YEATS2: variants seen among roughly 807,000 people sequenced by gnomAD.
The protein encoded by YEATS2 is YEATS domain containing 2.
In YEATS2, 77 loss-of-function variants were observed where a neutral mutation model predicts 163.2. The ratio of observed to expected loss-of-function variants is 0.47; its 90% CI spans 0.39 to 0.57. The LOEUF (loss-of-function observed/expected upper bound fraction) is 0.57. YEATS2 is among the 20% of genes least tolerant of loss of function. The pLI, the probability that YEATS2 is intolerant of heterozygous loss-of-function variation, is 0.00. For missense variants in YEATS2, 1,549 were observed against 1,729.8 expected, an observed-to-expected ratio of 0.90 and a Z score of 1.85; for synonymous variants, 631 against 645.1, an observed-to-expected ratio of 0.98 and a Z score of 0.33.
In YEATS2 at chr3:183,812,169, G is replaced by A. The variant is rs944959775; in HGVS notation, c.*1586G>A. ...AAGAATCACTTGAACCCAGGAGGCG[G>A]AGGTTGCAGTGTGCCAAGATCATAC... On this transcript the variant is annotated 3_prime_UTR_variant, in exon 31 of 31. Coordinates refer to ENST00000305135, the MANE Select transcript of YEATS2 (RefSeq NM_018023.5). The A allele has an allele frequency of 6.6e-6, 1 of 152,296 alleles. No homozygotes were observed. The highest frequency in any genetic ancestry group is 2.4e-5 in the African/African-American group (1 of 41,432). The allele number at this position is 152,296 out of a possible 1,614,324, so 9.4% of individuals were successfully genotyped here.
At chr3:183,731,167 C>T (rs1717735317) in intron 7 of YEATS2, among the ~76,000 whole-genome samples, 1 of 151,930 alleles carries the variant, frequency 6.6e-6, no homozygotes. Flanking sequence ...GGTGTGGTGG[C>T]TCGTGCCTGT....
Position 183,753,216 on chromosome 3 carries a change from A to G in YEATS2, c.1151-910A>G, listed in dbSNP as rs80056694. Among the ~76,000 whole-genome samples, 1,862 of 152,298 alleles carry G rather than the reference A, an allele frequency of 0.012. 67 individuals are homozygous for G. The East Asian group carries it at 0.14, about 12-fold the overall frequency. On this transcript the variant is annotated intron_variant, in intron 10 of 30. Coordinates refer to ENST00000305135, the MANE Select transcript of YEATS2 (RefSeq NM_018023.5). ...TATTAAATACCTGGTTTTACTTAAG[A>G]AAAGATTCATCACCAACAATGTATT...
At chr3:183,729,936 C>G (rs1178657728) in intron 7 of YEATS2, among the ~76,000 whole-genome samples, 2 of 151,488 alleles carry the variant, frequency 1.3e-5, no homozygotes, top group African/African-American at 2.4e-5. Context: ...GTGATCTGCC[C>G]GCCTTGGCCA....
In YEATS2 at chr3:183,776,126, C is replaced by T. The variant is rs1266106669; in HGVS notation, c.2577+3C>T. Reference sequence around the variant, plus strand: ...ACATCCTCAAGCAAACTCCCCAGGTCTGGTTCTCTGTAACTGATATTTTAA... The same window carrying T: ...ACATCCTCAAGCAAACTCCCCAGGTTTGGTTCTCTGTAACTGATATTTTAA... On this transcript the variant is annotated splice_donor_region_variant and intron_variant, in intron 18 of 30. Transcript: ENST00000305135. The T allele has an allele frequency of 1.3e-6, 2 of 1,551,810 alleles. No homozygotes were observed. The highest frequency in any genetic ancestry group is 1.7e-6 in the Non-Finnish European group (2 of 1,151,934).
chr3:183,730,128 G>A lies in YEATS2; in HGVS notation c.812+1277G>A, dbSNP rs1416259810. ...CGTCCATGCTGGAGTGCAGTGGCAC[G>A]ATCTTGGCTCACTGCAACCTCCACC... On this transcript the variant is annotated intron_variant, in intron 7 of 30. Transcript: ENST00000305135. 2.7e-5 allele frequency among the ~76,000 whole-genome samples: 3 copies of A among 110,422 alleles called. No homozygotes were observed. The Admixed American group carries it at 4.2e-4, about 16-fold the overall frequency. The allele number at this position is 110,422 out of a possible 152,430, so 72.4% of individuals were successfully genotyped here. A position where few individuals can be genotyped will look rare whatever the true frequency, so the allele number is the denominator to read the frequency against.
rs1726699746 is a variant in YEATS2, at chr3:183,810,500, A to G, written c.4186A>G (p.Asn1396Asp). The G allele has an allele frequency of 6.2e-7, 1 of 1,614,166 alleles. No homozygotes were observed. Among genetic ancestry groups the G allele is most frequent in the Non-Finnish European group, 8.5e-7 (1 of 1,180,008 alleles). The stretch of plus-strand genomic sequence containing the variant: ...GATTCCCAAAGAAATTACAGTGAGT[A>G]ATATTCACCAGGCCATTTGCAACAT... ...NRIPKEITVS[N>D]IHQAICNIPF... Residue 1396 changes from asparagine to aspartate, a missense_variant, in exon 31 of 31, where the codon AAT becomes GAT. Coordinates refer to ENST00000305135, the MANE Select transcript of YEATS2 (RefSeq NM_018023.5).
rs201710607 is a variant in YEATS2 at position 183,798,096 on chromosome 3, C to T, written c.3226+45C>T. The T allele has an allele frequency of 1.7e-5, 27 of 1,606,452 alleles. No individual in the cohort carries two copies. In the African/African-American group the frequency reaches 3.1e-4, roughly 19 times the overall value. On this transcript the variant is annotated intron_variant, in intron 22 of 30. Coordinates refer to ENST00000305135, the MANE Select transcript of YEATS2 (RefSeq NM_018023.5). Reference sequence around the variant, plus strand: ...GTCGTCTGTGCTGTGGCTGCCTCCACATCTCCCCGCATTTACCAGGTGGTG... The same window carrying T: ...GTCGTCTGTGCTGTGGCTGCCTCCATATCTCCCCGCATTTACCAGGTGGTG...
chr3:183,806,941 A>G lies in YEATS2; in HGVS notation c.3860A>G (p.Glu1287Gly), dbSNP rs1304032139. The part of the protein sequence containing the change: ...LEDLQQFQKR[E>G]PENEEEVDIL... ...GACCTGCAACAGTTCCAGAAAAGGG[A>G]ACCCGAGAATGAGGAGGAGGTGGAC... Residue 1287 changes from glutamate to glycine, a missense_variant, in exon 28 of 31, where the codon GAA becomes GGA. Physicochemically the swap from Glu to Gly is moderately conservative, Grantham distance 98. Coordinates refer to ENST00000305135, the MANE Select transcript of YEATS2 (RefSeq NM_018023.5). 6.2e-7 allele frequency: 1 copy of G among 1,614,038 alleles called. No homozygotes were observed. The highest frequency in any genetic ancestry group is 8.5e-7 in the Non-Finnish European group (1 of 1,180,036).
At chr3:183,762,526 C>T (rs1412584652) in intron 15 of YEATS2, among the ~76,000 whole-genome samples, 1 of 152,202 alleles carries the variant, frequency 6.6e-6, no homozygotes, top group East Asian at 1.9e-4. Context: ...GGGAACACTG[C>T]TGTCTCTGGC....
At chr3:183,736,912 G>A (rs2109164471) in intron 8 of YEATS2, 83 bp downstream of exon 8, 1 of 1,217,652 alleles carries the variant, frequency 8.2e-7, no homozygotes, top group Non-Finnish European at 1.2e-6. Context: ...TGGCGGTTAA[G>A]GACCCCCTCG....
At chr3:183,704,869 T>C (rs577650612) in intron 1 of YEATS2, among the ~76,000 whole-genome samples, 1 of 152,304 alleles carries the variant, frequency 6.6e-6, no homozygotes, top group Admixed American at 6.5e-5. Context: ...CCTCAAGTGA[T>C]CCACCCACCT....
At chr3:183,795,508 C>T (rs1472765523) in intron 21 of YEATS2, among the ~76,000 whole-genome samples, 3 of 129,662 alleles carry the variant, frequency 2.3e-5, no homozygotes, top group Non-Finnish European at 3.2e-5. Flanking sequence ...GCTTTGTTGC[C>T]GAGGCTGGTC....
chr3:183,755,203 CCT>C (rs1436986815), intron 11 of YEATS2, among the ~76,000 whole-genome samples: 1 of 152,042 alleles, frequency 6.6e-6, no homozygotes, highest in African/African-American at 2.4e-5. Context: ...GCAGCCTCCA[CCT>C]CTCTCGGGTT....
At chr3:183,743,484 C>G (rs992540177) in intron 8 of YEATS2, among the ~76,000 whole-genome samples, 1 of 151,986 alleles carries the variant, frequency 6.6e-6, no homozygotes, top group South Asian at 2.1e-4. Flanking sequence ...GGACCACAAG[C>G]GCATGCCACT....
intron 8 of YEATS2, among the ~76,000 whole-genome samples, chr3:183,738,339 A>C (rs1364539954): frequency 6.6e-6 from 1 of 152,084 alleles, no homozygotes; most frequent in African/African-American, 2.4e-5. Context: ...AGATAGGCTA[A>C]AAGCGAGGCC....
chr3:183,700,573 TTTTTCTTTTTC>T (rs1178038763), intron 1 of YEATS2, among the ~76,000 whole-genome samples: 63 of 151,644 alleles, frequency 4.2e-4, no homozygotes, highest in African/African-American at 1.4e-3. Context: ...TGAAGCAGAT[TTTTTCTTTTTC>T]TTTTCTTTTC....
intron 11 of YEATS2, among the ~76,000 whole-genome samples, chr3:183,756,053 C>T (rs1720732376): frequency 6.6e-6 from 1 of 152,048 alleles, no homozygotes; most frequent in African/African-American, 2.4e-5. Context: ...GTGTCTCATG[C>T]CCGGTCTCTA....
chr3:183,715,057 T>C (rs1560223928), intron 1 of YEATS2, 87 bp from the exon 2 acceptor site: 12 of 699,378 alleles, frequency 1.7e-5, no homozygotes, highest in South Asian at 9.7e-5. Context: ...TGTACACATA[T>C]ATTTGTAAGT....
chr3:183,793,848 G>C (rs1190774559), intron 21 of YEATS2, among the ~76,000 whole-genome samples: 1 of 151,984 alleles, frequency 6.6e-6, no homozygotes, highest in African/African-American at 2.4e-5. Context: ...CCCAACCTCA[G>C]GTGATCCGCC....
Sources: allele counts gnomAD v4.1 joint callset (sites outside exome capture counted in the v4.1 genomes callset), GRCh38; gene constraint gnomAD v4.1.1; transcripts MANE v1.5; gene names NCBI Gene and HGNC (gene_info 2026-07-23, HGNC 2026-07-21).